BBX: variants seen among roughly 807,000 people sequenced by gnomAD.
The protein encoded by BBX is BBX high mobility group box domain containing.
BBX carries 30 observed loss-of-function variants against 100.2 expected under a neutral mutation model. That is an observed-to-expected ratio of 0.30 (90% confidence interval 0.22 to 0.41). The LOEUF (loss-of-function observed/expected upper bound fraction) is 0.41. BBX is among the 10% of genes least tolerant of loss of function. BBX has a pLI of 1.00. For synonymous variants in BBX, 376 were observed against 388.1 expected (o/e 0.97, Z 0.37); for missense variants, 1,023 against 1,129.8 (o/e 0.91, Z 1.35).
At chr3:107,650,386 T>TC (rs1441431705) in intron 3 of BBX, among the ~76,000 whole-genome samples, 2 of 149,960 alleles carry the variant, frequency 1.3e-5, no homozygotes, top group East Asian at 2.0e-4. Flanking sequence ...GCCCAAACCA[T>TC]CCCCCCCACC....
At chr3:107,557,576 A>G (rs773647462) in intron 2 of BBX, among the ~76,000 whole-genome samples, 3 of 152,220 alleles carry the variant, frequency 2.0e-5, no homozygotes, top group Non-Finnish European at 4.4e-5. Flanking sequence ...TGAACATTTG[A>G]TACTTTCCAG....
chr3:107,584,090 ATATATTATATATATTATATAT>A (rs1454911417), intron 2 of BBX, among the ~76,000 whole-genome samples: 8 of 9,890 alleles, frequency 8.1e-4, no homozygotes, highest in Non-Finnish European at 1.9e-3. Context: ...TATATATATC[ATATATTATATATATTATATAT>A]TATATATAAT....
chr3:107,622,355 T>C (rs1334539479), intron 2 of BBX, among the ~76,000 whole-genome samples: 1 of 152,230 alleles, frequency 6.6e-6, no homozygotes, highest in Non-Finnish European at 1.5e-5. Flanking sequence ...TTGTTTCTAC[T>C]TTATAGTAAT....
At chr3:107,599,035 C>T (rs765845023) in intron 2 of BBX, among the ~76,000 whole-genome samples, 87 of 151,934 alleles carry the variant, frequency 5.7e-4, no homozygotes, top group Non-Finnish European at 1.1e-3. Flanking sequence ...ATTGGCAGAG[C>T]GGGGGCTGGT....
intron 6 of BBX, among the ~76,000 whole-genome samples, 173 bp from the exon 7 acceptor site, chr3:107,732,783 G>C (rs1227521078): frequency 6.6e-6 from 1 of 152,220 alleles, no homozygotes; most frequent in Non-Finnish European, 1.5e-5. Context: ...TGAGCACTAA[G>C]CACATATATG....
chr3:107,810,830 C>G lies in BBX; in HGVS notation c.*5373C>G, dbSNP rs1005532601. ...TTCTCGTAGGTTTGAATTGCTTACTCACATGTCATAAATTAACCACAGCTT... is the reference window on the plus strand; with the variant it reads ...TTCTCGTAGGTTTGAATTGCTTACTGACATGTCATAAATTAACCACAGCTT... On this transcript the variant is annotated 3_prime_UTR_variant, in exon 18 of 18. Transcript: ENST00000325805. 1 of 152,214 alleles carries G rather than the reference C, an allele frequency of 6.6e-6. No homozygotes were observed. Among genetic ancestry groups the G allele is most frequent in the Non-Finnish European group, 1.5e-5 (1 of 68,038 alleles). 9.4% of individuals were successfully genotyped at this position (152,214 alleles called of 1,614,324 possible). A position where few individuals can be genotyped will look rare whatever the true frequency, so the allele number is the denominator to read the frequency against.
At chr3:107,690,882 GCC>G (rs33924823) in intron 3 of BBX, among the ~76,000 whole-genome samples, 1,858 of 85,638 alleles carry the variant, frequency 0.022, 64 homozygotes, top group Non-Finnish European at 0.024. Flanking sequence ...TCACTTTGAT[GCC>G]CCCCCCCCTT....
At chr3:107,738,706 C>CTCCTGTGTCCTGTG (rs929190111) in intron 7 of BBX, among the ~76,000 whole-genome samples, 1 of 152,162 alleles carries the variant, frequency 6.6e-6, no homozygotes, top group African/African-American at 2.4e-5. Context: ...CTGGCCACTT[C>CTCCTGTGTCCTGTG]TCCTGTGTCC....
At chr3:107,571,059 G>A (rs501008) in intron 2 of BBX, among the ~76,000 whole-genome samples, 16,344 of 152,172 alleles carry the variant, frequency 0.11, 988 homozygotes, top group Non-Finnish European at 0.12. Flanking sequence ...AAGACGCTTA[G>A]GTTTTAGGTC....
intron 3 of BBX, among the ~76,000 whole-genome samples, chr3:107,709,674 C>T (rs143896341): frequency 2.6e-5 from 4 of 152,334 alleles, no homozygotes; most frequent in African/African-American, 9.6e-5. Context: ...AACTAACATG[C>T]AGTTACCTCT....
intron 3 of BBX, 64 bp from the exon 4 acceptor site, chr3:107,710,388 T>C: frequency 1.5e-6 from 2 of 1,346,146 alleles, no homozygotes; most frequent in Middle Eastern, 1.9e-4. Context: ...TTTACTTTGA[T>C]TTATCTCGGT....
intron 3 of BBX, among the ~76,000 whole-genome samples, chr3:107,692,178 AT>A (rs1356262070): frequency 6.7e-6 from 1 of 148,922 alleles, no homozygotes; most frequent in East Asian, 1.9e-4. Flanking sequence ...TATTTTATTT[AT>A]TTATTTATTT....
chr3:107,679,050 T>C, intron 3 of BBX, among the ~76,000 whole-genome samples: 1 of 151,974 alleles, frequency 6.6e-6, no homozygotes, highest in East Asian at 1.9e-4. Context: ...TTAACATTTG[T>C]GTCAAATCGC....
intron 17 of BBX, among the ~76,000 whole-genome samples, chr3:107,805,060 A>AT (rs1405584144): frequency 6.6e-6 from 1 of 152,172 alleles, no homozygotes; most frequent in East Asian, 1.9e-4. Flanking sequence ...GGTACTTAAA[A>AT]TTTCATCTCT....
chr3:107,741,226 A>G (rs1445456046), intron 7 of BBX, among the ~76,000 whole-genome samples: 1 of 152,028 alleles, frequency 6.6e-6, no homozygotes, highest in East Asian at 1.9e-4. Flanking sequence ...AGCTTTCCAC[A>G]CTACTCACAA....
chr3:107,728,981 C>T, intron 6 of BBX, 21 bp downstream of exon 6: 3 of 1,607,662 alleles, frequency 1.9e-6, no homozygotes, highest in African/African-American at 1.3e-5. Context: ...ACACTATTTC[C>T]ACCTATTCTT....
intron 16 of BBX, among the ~76,000 whole-genome samples, chr3:107,799,944 C>G (rs994373441): frequency 6.6e-6 from 1 of 152,166 alleles, no homozygotes; most frequent in Admixed American, 6.5e-5. Flanking sequence ...CTTTCTGCCT[C>G]TCAGCACCTC....
intron 3 of BBX, among the ~76,000 whole-genome samples, chr3:107,697,838 C>A (rs1213755131): frequency 6.6e-6 from 1 of 151,886 alleles, no homozygotes; most frequent in Non-Finnish European, 1.5e-5. Flanking sequence ...GCTGTGCTAG[C>A]AATCAGGGAG....
In BBX at chr3:107,716,731, C is replaced by G. The variant is rs376164348; in HGVS notation, c.287C>G (p.Ser96Cys). Residue 96 changes from serine to cysteine, a missense_variant, in exon 5 of 18, where the codon TCT becomes TGT. Physicochemically the swap from Ser to Cys is moderately radical, Grantham distance 112. This residue lies in a region of BBX where 229 missense variants were observed against 226.3 expected (regional missense o/e 1.01). Transcript: ENST00000325805. ...CTTTTATTTTGCAAACGCCATCGCT[C>G]TCTTGTACGTCAGGAACACCCCAGG... ...AFLLFCKRHR[S>C]LVRQEHPRLD... The G allele has an allele frequency of 2.5e-6, 4 of 1,613,690 alleles. No homozygotes were observed. Among genetic ancestry groups the G allele is most frequent in the South Asian group, 2.2e-5 (2 of 91,074 alleles).
Sources: gnomAD v4.1 joint callset for allele counts (sites outside exome capture counted in the v4.1 genomes callset) on GRCh38, gnomAD v4.1.1 for gene constraint, gnomAD v4.1.1 regional missense constraint, MANE v1.5 for transcripts, NCBI Gene and HGNC (gene_info 2026-07-23, HGNC 2026-07-21) for gene names.